RAP1B: variants seen among roughly 807,000 people sequenced by gnomAD.
RAP1B encodes ras-related protein Rap-1b.
RAP1B carries 1 observed loss-of-function variant against 27.5 expected under a neutral mutation model. The ratio of observed to expected loss-of-function variants is 0.04; its 90% confidence interval spans 0.01 to 0.17. RAP1B has a LOEUF of 0.17. Ranked by LOEUF, RAP1B falls within the 10% of genes least tolerant of loss-of-function variation. The probability of loss-of-function intolerance (pLI) is 1.00; values close to 1 mark genes in which losing one functional copy is unlikely to be tolerated. For missense variants in RAP1B, 84 were observed against 214.8 expected (o/e 0.39, Z 3.81); for synonymous variants, 75 against 73.1 (o/e 1.03, Z -0.13).
rs1875008978 is a variant in RAP1B, at chr12:68,669,886, T to C, written c.*10637T>C. 6.6e-6 allele frequency: 1 copy of C among 151,664 alleles called. No homozygotes were observed. Among genetic ancestry groups the C allele is most frequent in the South Asian group, 2.1e-4 (1 of 4,822 alleles). The allele number at this position is 151,664 out of a possible 1,614,324, so 9.4% of individuals were successfully genotyped here. A position where few individuals can be genotyped will look rare whatever the true frequency, so the allele number is the denominator to read the frequency against. ...GAGTAGAACTGAGTCCAGAACTAGA[T>C]TCCAGTATATGACGTTTATACGTGA... On this transcript the variant is annotated 3_prime_UTR_variant, in exon 8 of 8. Transcript: ENST00000250559.
intron 7 of RAP1B, among the ~76,000 whole-genome samples, chr12:68,658,325 C>T (rs1483071806): frequency 6.6e-6 from 1 of 152,166 alleles, no homozygotes; most frequent in Non-Finnish European, 1.5e-5. Context: ...CTTAGCAGCA[C>T]ACATGTGCTT....
rs183243631 is a variant in RAP1B, at chr12:68,626,850, G to A, written c.-27+15807G>A. The A allele has an allele frequency of 3.8e-6, 6 of 1,566,174 alleles. No homozygotes were observed. The Admixed American group carries it at 6.7e-5, about 18-fold the overall frequency. On this transcript the variant is annotated intron_variant, in intron 1 of 7. Coordinates refer to ENST00000250559, the MANE Select transcript of RAP1B (RefSeq NM_001010942.3). ...GAATTTATTGGTGAGTATTAAGAGGGGGCAGCACAGTGGAAGCCCTCATGA... is the reference window on the plus strand; with the variant it reads ...GAATTTATTGGTGAGTATTAAGAGGAGGCAGCACAGTGGAAGCCCTCATGA...
chr12:68,622,258 CTT>C (rs1344740607), intron 1 of RAP1B, among the ~76,000 whole-genome samples: 1 of 152,196 alleles, frequency 6.6e-6, no homozygotes, highest in East Asian at 1.9e-4. Context: ...ACAGTCATCT[CTT>C]GTCTGGACTC....
chr12:68,644,930 G>T (rs969429831), intron 1 of RAP1B, among the ~76,000 whole-genome samples: 37 of 152,032 alleles, frequency 2.4e-4, no homozygotes, highest in African/African-American at 8.7e-4. Flanking sequence ...GGTCCAGCTG[G>T]TCCAGTGATC....
intron 1 of RAP1B, among the ~76,000 whole-genome samples, chr12:68,629,171 G>A (rs1169339983): frequency 1.3e-5 from 2 of 152,104 alleles, no homozygotes; most frequent in East Asian, 1.9e-4. Flanking sequence ...TAGAGACAAG[G>A]TTTCACAATG....
At chr12:68,656,232 CTT>C (rs992548888) in intron 5 of RAP1B, 72 bp from the exon 6 acceptor site, 7 of 1,337,922 alleles carry the variant, frequency 5.2e-6, no homozygotes, top group South Asian at 2.7e-5. Context: ...AGATTTGACT[CTT>C]AGAATTCTTT....
At chr12:68,650,526 G>A in intron 3 of RAP1B, 58 bp downstream of exon 3, 2 of 1,269,640 alleles carry the variant, frequency 1.6e-6, no homozygotes, top group Non-Finnish European at 1.1e-6. Flanking sequence ...ACTTATTTTA[G>A]CTTTATAATT....
chr12:68,650,397 C>T lies in RAP1B; in HGVS notation c.58-3C>T. On this transcript the variant is annotated splice_region_variant and splice_polypyrimidine_tract_variant and intron_variant, in intron 2 of 7. Coordinates refer to ENST00000250559, the MANE Select transcript of RAP1B (RefSeq NM_001010942.3). ...TATAATGGTTTCTTAATTTTTTTTT[C>T]AGACTGTACAATTTGTTCAAGGAAT... The T allele has an allele frequency of 2.0e-6, 3 of 1,516,650 alleles. No individual in the cohort carries two copies. The highest frequency in any genetic ancestry group is 1.2e-5 in the South Asian group (1 of 80,472). 93.9% of individuals were successfully genotyped at this position (1,516,650 alleles called of 1,614,324 possible). A position where few individuals can be genotyped will look rare whatever the true frequency, so the allele number is the denominator to read the frequency against.
rs574934232 is a variant in RAP1B at position 68,612,946 on chromosome 12, A to G, written c.-27+1903A>G. ...GCCTTATCTAAGGAAGTCCTAAAGT[A>G]AATCATTGGAACACATGTAGCCAGT... is the stretch of plus-strand genomic sequence containing the variant. On this transcript the variant is annotated intron_variant, in intron 1 of 7. Transcript: ENST00000250559. Among the ~76,000 whole-genome samples, 4 of 152,382 alleles carry G rather than the reference A, an allele frequency of 2.6e-5. No individual in the cohort carries two copies. The East Asian group carries it at 7.7e-4, about 29-fold the overall frequency.
intron 1 of RAP1B, among the ~76,000 whole-genome samples, chr12:68,613,432 G>C (rs755769350): frequency 6.1e-5 from 9 of 148,582 alleles, no homozygotes; most frequent in Non-Finnish European, 1.0e-4. Context: ...TGATTGCTCT[G>C]CTCTCTTTTA....
chr12:68,662,008 CTATATATATATA>C lies in RAP1B; in HGVS notation c.*2773_*2784del, dbSNP rs63676662. ...TGAATGCCAGTGCTATCCTCTAGGT[CTATATATATATA>C]TATATATATATATTATATATAGTAC... On this transcript the variant is annotated 3_prime_UTR_variant, in exon 8 of 8. Coordinates refer to ENST00000250559, the MANE Select transcript of RAP1B (RefSeq NM_001010942.3). 2 of 133,918 alleles carry C rather than the reference CTATATATATATA, an allele frequency of 1.5e-5. No individual in the cohort carries two copies. The highest frequency in any genetic ancestry group is 3.2e-5 in the Non-Finnish European group (2 of 63,400). 8.3% of individuals were successfully genotyped at this position (133,918 alleles called of 1,614,324 possible).
chr12:68,629,692 A>G (rs1872092174), intron 1 of RAP1B, among the ~76,000 whole-genome samples: 1 of 152,098 alleles, frequency 6.6e-6, no homozygotes, highest in Non-Finnish European at 1.5e-5. Flanking sequence ...CTCATGAATG[A>G]TCTTAAACAA....
chr12:68,658,969 T>G (rs1874426715), intron 7 of RAP1B, among the ~76,000 whole-genome samples: 1 of 152,232 alleles, frequency 6.6e-6, no homozygotes, highest in South Asian at 2.1e-4. Flanking sequence ...GACTAACAAT[T>G]TTAATGTGAT....
chr12:68,623,936 G>C (rs1011214073), intron 1 of RAP1B, among the ~76,000 whole-genome samples: 1 of 151,892 alleles, frequency 6.6e-6, no homozygotes, highest in Non-Finnish European at 1.5e-5. Context: ...CGGGAGAATC[G>C]CTTGAACCCA....
At chr12:68,652,182 A>ACAC in intron 4 of RAP1B, 131 bp downstream of exon 4, 1 of 656,234 alleles carries the variant, frequency 1.5e-6, no homozygotes, top group Middle Eastern at 3.8e-4. Context: ...GTAGTGGCTC[A>ACAC]CACCTCTATT....
At chr12:68,618,644 CAGT>C (rs1047585917) in intron 1 of RAP1B, among the ~76,000 whole-genome samples, 83 of 152,238 alleles carry the variant, frequency 5.5e-4, no homozygotes, top group African/African-American at 1.9e-3. Flanking sequence ...AGTATAAAAA[CAGT>C]GGTGGATAAA....
intron 1 of RAP1B, among the ~76,000 whole-genome samples, chr12:68,628,654 A>G (rs749485116): frequency 6.6e-6 from 1 of 152,092 alleles, no homozygotes; most frequent in Non-Finnish European, 1.5e-5. Flanking sequence ...AGAGGCCCTG[A>G]TGGTGTCACT....
intron 1 of RAP1B, among the ~76,000 whole-genome samples, chr12:68,631,192 C>T (rs962538685): frequency 9.9e-5 from 15 of 152,144 alleles, no homozygotes; most frequent in Non-Finnish European, 2.2e-4. Flanking sequence ...CCTGGCTGCA[C>T]ATAGCAGATA....
At chr12:68,657,768 A>ACACACACACACCCC in intron 7 of RAP1B, 1 of 126,024 alleles carries the variant, frequency 7.9e-6, no homozygotes, top group African/African-American at 3.1e-5. Context: ...ACACACACAC[A>ACACACACACACCCC]CACACGTGCG....
Sources: allele counts gnomAD v4.1 joint callset (sites outside exome capture counted in the v4.1 genomes callset), GRCh38; gene constraint gnomAD v4.1.1; transcripts MANE v1.5; gene names NCBI Gene and HGNC (gene_info 2026-07-23, HGNC 2026-07-21).